The following TADA2A variants were observed in gnomAD, a reference collection of about 807,000 sequenced individuals.
TADA2A encodes the protein transcriptional adapter 2-alpha.
Under a neutral mutation model 67.4 loss-of-function variants are expected in TADA2A, and 38 were observed. The observed-to-expected ratio is 0.56, with a 90% CI of 0.44 to 0.74. The LOEUF is 0.74. Ranked by LOEUF, TADA2A falls within the 30% of genes least tolerant of loss-of-function variation. The pLI is 0.00. For missense variants in TADA2A, 454 were observed against 547.0 expected (o/e 0.83, Z 1.70); for synonymous variants, 192 against 181.6 (o/e 1.06, Z -0.46).
intron 2 of TADA2A, among the ~76,000 whole-genome samples, chr17:37,418,971 T>C (rs1488090533): frequency 1.4e-5 from 2 of 145,684 alleles, no homozygotes; most frequent in African/African-American, 5.0e-5. Context: ...GCTGAAGCGA[T>C]CATCCTGCCT....
At chr17:37,415,802 A>T (rs1412019265) in intron 2 of TADA2A, among the ~76,000 whole-genome samples, 1 of 149,074 alleles carries the variant, frequency 6.7e-6, no homozygotes, top group Non-Finnish European at 1.5e-5. Context: ...TGAACCTGGG[A>T]TGCAGAGGTT....
chr17:37,415,018 G>C (rs1173421709), intron 2 of TADA2A, among the ~76,000 whole-genome samples: 1 of 151,718 alleles, frequency 6.6e-6, no homozygotes, highest in Non-Finnish European at 1.5e-5. Context: ...TCAGCCTCCT[G>C]AGTAGCTGGA....
At chr17:37,407,191 G>T (rs1240456135) in intron 1 of TADA2A, 1 of 151,686 alleles carries the variant, frequency 6.6e-6, no homozygotes, top group Non-Finnish European at 1.5e-5. Flanking sequence ...CCCGCCCCGC[G>T]TCTGGGCGGT....
chr17:37,438,207 C>A (rs2052791238), intron 5 of TADA2A: 1 of 166,910 alleles, frequency 6.0e-6, no homozygotes, highest in Admixed American at 6.2e-5. Flanking sequence ...CAGACTTTAG[C>A]TAGATGGTCA....
chr17:37,475,646 A>G (rs1215578229), intron 15 of TADA2A, among the ~76,000 whole-genome samples: 2 of 152,012 alleles, frequency 1.3e-5, no homozygotes, highest in Non-Finnish European at 2.9e-5. Flanking sequence ...TTGTATTTTT[A>G]GTAGAGACGG....
intron 4 of TADA2A, among the ~76,000 whole-genome samples, chr17:37,432,116 G>A (rs1471706491): frequency 6.6e-6 from 1 of 151,652 alleles, no homozygotes; most frequent in Non-Finnish European, 1.5e-5. Context: ...GAATCATACT[G>A]TATGTACACT....
chr17:37,448,909 C>T (rs2053155642), intron 8 of TADA2A, among the ~76,000 whole-genome samples: 1 of 152,182 alleles, frequency 6.6e-6, no homozygotes, highest in Non-Finnish European at 1.5e-5. Context: ...ATTTCTTTGG[C>T]ACATATTATT....
intron 12 of TADA2A, among the ~76,000 whole-genome samples, chr17:37,469,989 A>G (rs1027914719): frequency 6.6e-6 from 1 of 152,174 alleles, no homozygotes; most frequent in East Asian, 1.9e-4. Context: ...TTGTAATTCT[A>G]ATTGTTTTTT....
intron 4 of TADA2A, among the ~76,000 whole-genome samples, chr17:37,428,923 G>A (rs1273999341): frequency 1.3e-5 from 2 of 151,734 alleles, no homozygotes; most frequent in African/African-American, 2.4e-5. Flanking sequence ...GTGGGCGCCT[G>A]TAGTCCCAGC....
At chr17:37,468,144 T>C (rs2053708098) in intron 12 of TADA2A, among the ~76,000 whole-genome samples, 1 of 152,058 alleles carries the variant, frequency 6.6e-6, no homozygotes, top group Non-Finnish European at 1.5e-5. Flanking sequence ...TAATGATACA[T>C]GGTCTTAGCA....
At chr17:37,421,498 AGT>A (rs2052231262) in intron 2 of TADA2A, among the ~76,000 whole-genome samples, 1 of 147,212 alleles carries the variant, frequency 6.8e-6, no homozygotes, top group South Asian at 2.2e-4. Context: ...AGGCTAGCTG[AGT>A]GTGATGGCTC....
At chr17:37,411,685 C>T (rs988749657) in intron 2 of TADA2A, among the ~76,000 whole-genome samples, 2 of 151,880 alleles carry the variant, frequency 1.3e-5, no homozygotes, top group Admixed American at 6.6e-5. Flanking sequence ...CCACCTCGGC[C>T]TCCCAAAGTG....
At chr17:37,440,247 A>C (rs2052872471) in intron 5 of TADA2A, among the ~76,000 whole-genome samples, 1 of 152,066 alleles carries the variant, frequency 6.6e-6, no homozygotes, top group Non-Finnish European at 1.5e-5. Flanking sequence ...GGCCTCAGTC[A>C]TCTTTCTTTA....
rs201564886 is a variant in TADA2A, at chr17:37,459,593, T to G, written c.668+1006T>G. 6.9e-3 allele frequency among the ~76,000 whole-genome samples: 1,036 copies of G among 149,984 alleles called. 11 individuals are homozygous for G. The highest frequency in any genetic ancestry group is 0.02 in the African/African-American group (818 of 40,886). The stretch of plus-strand genomic sequence containing the variant: ...CCACCGTGTTCAACCTTTTTTTTTT[T>G]TTGTTAAATAAGAGACAGAGTCTCA... On this transcript the variant is annotated intron_variant, in intron 9 of 15. Transcript: ENST00000615182.
chr17:37,471,286 G>A lies in TADA2A; in HGVS notation c.1072+149G>A, dbSNP rs760354022. 4 of 766,564 alleles carry A rather than the reference G, an allele frequency of 5.2e-6. No individual in the cohort carries two copies. The African/African-American group carries it at 6.9e-5, about 13-fold the overall frequency. 47.5% of individuals were successfully genotyped at this position (766,564 alleles called of 1,614,324 possible). A position where few individuals can be genotyped will look rare whatever the true frequency, so the allele number is the denominator to read the frequency against. ...GTGTTAGCCCAATATATAAACATCA[G>A]TATGTTTTCAGAACCTTCATGGCCA... On this transcript the variant is annotated intron_variant, in intron 14 of 15. Transcript: ENST00000615182.
chr17:37,475,025 A>G (rs1184412744), intron 15 of TADA2A, among the ~76,000 whole-genome samples: 1 of 152,218 alleles, frequency 6.6e-6, no homozygotes, highest in Non-Finnish European at 1.5e-5. Context: ...GAAAAGTTCT[A>G]TACTTATTCC....
At chr17:37,467,357 T>C (rs777915965) in intron 11 of TADA2A, 97 bp from the exon 12 acceptor site, 54 of 956,836 alleles carry the variant, frequency 5.6e-5, no homozygotes, top group Non-Finnish European at 8.3e-5. Flanking sequence ...CCTAGTCTTA[T>C]AAGGCAGAAT....
At chr17:37,421,868 G>T (rs2052242661) in intron 2 of TADA2A, among the ~76,000 whole-genome samples, 2 of 94,120 alleles carry the variant, frequency 2.1e-5, no homozygotes, top group Admixed American at 2.3e-4. Context: ...TGATGATGAT[G>T]TGTTTTTTTA....
rs951397411 is a variant in TADA2A at position 37,479,207 on chromosome 17, G to A, written c.*2225G>A. On this transcript the variant is annotated 3_prime_UTR_variant, in exon 16 of 16. Transcript: ENST00000615182. ...GACAATTCCACACACAGGGGGTGGAGAATGATGTGGAGGCAGCAGTGGGTG... is the reference window on the plus strand; with the variant it reads ...GACAATTCCACACACAGGGGGTGGAAAATGATGTGGAGGCAGCAGTGGGTG... 1.1e-4 allele frequency: 16 copies of A among 152,300 alleles called. No individual in the cohort carries two copies. Among genetic ancestry groups the A allele is most frequent in the African/African-American group, 3.9e-4 (16 of 41,416 alleles). 9.4% of individuals were successfully genotyped at this position (152,300 alleles called of 1,614,324 possible).
Sources: gnomAD v4.1 joint callset for allele counts (sites outside exome capture counted in the v4.1 genomes callset) on GRCh38, gnomAD v4.1.1 for gene constraint, MANE v1.5 for transcripts, NCBI Gene and HGNC (gene_info 2026-07-23, HGNC 2026-07-21) for gene names.